Variants in ERICH2 observed in about 807,000 individuals in gnomAD.
The protein encoded by ERICH2 is glutamate rich 2.
A neutral mutation model predicts 17.4 loss-of-function variants in ERICH2; 17 were observed. That is an observed-to-expected ratio of 0.98 (90% CI 0.67 to 1.47). The LOEUF (loss-of-function observed/expected upper bound fraction) is 1.47. Ranked by LOEUF, ERICH2 falls within the 40% of genes most tolerant of loss-of-function variation. ERICH2 has a pLI of 0.00. For synonymous variants in ERICH2, 51 were observed against 61.1 expected, an observed-to-expected ratio of 0.83 and a Z score of 0.77; for missense variants, 186 against 183.2, an observed-to-expected ratio of 1.01 and a Z score of -0.09.
the ERICH2 span, among the ~76,000 whole-genome samples, chr2:170,776,409 G>A: frequency 6.6e-6 from 1 of 152,102 alleles, no homozygotes; most frequent in Non-Finnish European, 1.5e-5. Context: ...ACAGAGTCTC[G>A]CTCTGTTGCC....
intron 2 of ERICH2, among the ~76,000 whole-genome samples, chr2:170,789,843 ATAG>A (rs1336875880): frequency 1.3e-5 from 2 of 152,178 alleles, no homozygotes; most frequent in African/African-American, 4.8e-5. Context: ...TTTAGGTATG[ATAG>A]TAATATTTTG....
chr2:170,788,446 C>A (rs1319665641), intron 2 of ERICH2, among the ~76,000 whole-genome samples: 1 of 151,318 alleles, frequency 6.6e-6, no homozygotes, highest in African/African-American at 2.4e-5. Flanking sequence ...TTTCACAATG[C>A]GTCCCTTTTT....
upstream of ERICH2, among the ~76,000 whole-genome samples, chr2:170,779,356 G>T (rs1321466308): frequency 6.6e-6 from 1 of 152,032 alleles, no homozygotes; most frequent in Non-Finnish European, 1.5e-5. Flanking sequence ...TTTTTTCTTT[G>T]CTCTAGTTTT....
chr2:170,795,594 A>G (rs1396131385), intron 3 of ERICH2, among the ~76,000 whole-genome samples: 5 of 152,078 alleles, frequency 3.3e-5, no homozygotes, highest in African/African-American at 1.2e-4. Context: ...GGATCCTTCC[A>G]CCTCAGCCTC....
At chr2:170,795,165 G>C (rs927822353) in intron 3 of ERICH2, among the ~76,000 whole-genome samples, 8 of 151,896 alleles carry the variant, frequency 5.3e-5, no homozygotes, top group Admixed American at 3.9e-4. Flanking sequence ...TTTTTGTAGA[G>C]ATGAGTTTTG....
the ERICH2 span, among the ~76,000 whole-genome samples, chr2:170,775,320 T>C: frequency 6.6e-6 from 1 of 151,874 alleles, no homozygotes; most frequent in Non-Finnish European, 1.5e-5. Context: ...TGGTCTCAGA[T>C]ACTCAGGAGG....
the ERICH2 span, among the ~76,000 whole-genome samples, chr2:170,776,761 ATTTC>A: frequency 4.4e-4 from 63 of 142,366 alleles, no homozygotes; most frequent in Non-Finnish European, 5.1e-4. Flanking sequence ...ATAACAGAGA[ATTTC>A]TTTTTTTTTT....
the ERICH2 span, among the ~76,000 whole-genome samples, chr2:170,772,408 T>G: frequency 6.6e-6 from 1 of 152,354 alleles, no homozygotes; most frequent in Admixed American, 6.5e-5. Context: ...GGTAGCTAAT[T>G]ATTTTAACCT....
At chr2:170,772,756 A>G in the ERICH2 span, among the ~76,000 whole-genome samples, 1 of 152,240 alleles carries the variant, frequency 6.6e-6, no homozygotes, top group African/African-American at 2.4e-5. Flanking sequence ...ATAGTGCTTA[A>G]TCAGCTCTGT....
chr2:170,771,255 C>G, the ERICH2 span: 3 of 153,610 alleles, frequency 2.0e-5, no homozygotes, highest in Admixed American at 6.5e-5. The surrounding 1 kb of genome is among the most constrained non-coding windows in gnomAD (Gnocchi z 4.8). Flanking sequence ...ACCCAGCCCC[C>G]ACAGCAGACC....
At chr2:170,783,674 G>C, upstream of ERICH2, 1 of 994,242 alleles carries the variant, frequency 1.0e-6, no homozygotes. Flanking sequence ...TAGGGATCAG[G>C]AAACTTCTCT....
At chr2:170,797,733 A>C (rs1437960074) in intron 3 of ERICH2, among the ~76,000 whole-genome samples, 1 of 151,352 alleles carries the variant, frequency 6.6e-6, no homozygotes, top group Non-Finnish European at 1.5e-5. Context: ...CAGAGGCTGC[A>C]GTGAGCCAAG....
intron 2 of ERICH2, among the ~76,000 whole-genome samples, chr2:170,789,933 G>A (rs1701246410): frequency 6.6e-6 from 1 of 152,174 alleles, no homozygotes; most frequent in Non-Finnish European, 1.5e-5. Context: ...GGTGGGGAAA[G>A]AGTGTGTGGT....
intron 4 of ERICH2, 88 bp downstream of exon 9, chr2:170,798,200 A>G (rs1701476127): frequency 5.6e-6 from 5 of 895,976 alleles, no homozygotes; most frequent in African/African-American, 1.7e-5. Context: ...TTGTCGATAC[A>G]TCTTTAGGAA....
chr2:170,771,940 T>C, the ERICH2 span, among the ~76,000 whole-genome samples: 6 of 152,342 alleles, frequency 3.9e-5, no homozygotes, highest in South Asian at 1.2e-3. The surrounding 1 kb of genome is among the most constrained non-coding windows in gnomAD (Gnocchi z 4.8). Flanking sequence ...TTTAAAAATC[T>C]GAAAAGGACA....
intron 4 of ERICH2, among the ~76,000 whole-genome samples, chr2:170,798,508 A>C (rs1273139797): frequency 1.3e-5 from 2 of 152,198 alleles, no homozygotes; most frequent in Non-Finnish European, 2.9e-5. Context: ...AATTCTATGA[A>C]ATCGTTAAAT....
At chr2:170,790,036 A>C (rs555477438) in intron 2 of ERICH2, among the ~76,000 whole-genome samples, 1 of 152,300 alleles carries the variant, frequency 6.6e-6, no homozygotes, top group Non-Finnish European at 1.5e-5. Context: ...TAAATTTTTC[A>C]CAATAGATTT....
intron 2 of ERICH2, among the ~76,000 whole-genome samples, chr2:170,790,970 A>T (rs1309103943): frequency 1.3e-5 from 2 of 152,134 alleles, no homozygotes; most frequent in Non-Finnish European, 2.9e-5. Context: ...AGAAACTAGA[A>T]AAATAAAATA....
chr2:170,795,205 T>G (rs1235227532), intron 3 of ERICH2, among the ~76,000 whole-genome samples: 3 of 152,164 alleles, frequency 2.0e-5, no homozygotes, highest in Admixed American at 6.5e-5. Flanking sequence ...CTTGAACTGC[T>G]AGGCTCAAGT....
Sources: gnomAD v4.1 joint callset for allele counts (sites outside exome capture counted in the v4.1 genomes callset) on GRCh38, gnomAD v4.1.1 for gene constraint, Gnocchi (gnomAD v3.1) non-coding constraint, MANE v1.5 for transcripts, NCBI Gene and HGNC (gene_info 2026-07-23, HGNC 2026-07-21) for gene names.